The following POLR3C variants were observed in gnomAD, a reference collection of about 807,000 sequenced individuals.
POLR3C encodes RNA polymerase III subunit C, also known as DNA-directed RNA polymerase III subunit RPC3.
A neutral mutation model predicts 65.9 loss-of-function variants in POLR3C; 44 were observed. That is an observed-to-expected ratio of 0.67 (90% CI 0.52 to 0.86). The LOEUF is 0.86. Among genes scored for constraint, POLR3C ranks in the 40% least tolerant of loss-of-function variants. The pLI, the probability that POLR3C is intolerant of heterozygous loss-of-function variation, is 0.00. For missense variants in POLR3C, 576 were observed against 653.2 expected, an observed-to-expected ratio of 0.88 and a Z score of 1.29; for synonymous variants, 263 against 231.6, an observed-to-expected ratio of 1.14 and a Z score of -1.23.
intron 7 of POLR3C, among the ~76,000 whole-genome samples, chr1:145,834,460 C>G (rs1347940000): frequency 6.7e-6 from 1 of 149,378 alleles, no homozygotes; most frequent in Non-Finnish European, 1.5e-5. Flanking sequence ...TGAGCTCAGG[C>G]GTTTGAGACC....
rs1488804540 is a variant in POLR3C, at chr1:145,843,308, A to G, written c.*888A>G. Reference sequence around the variant, plus strand: ...ATGGTTCCTTAAAACTGGCAACGCTAAATTCTCTCTCTCAGTATCACGGAT... The same window carrying G: ...ATGGTTCCTTAAAACTGGCAACGCTGAATTCTCTCTCTCAGTATCACGGAT... On this transcript the variant is annotated 3_prime_UTR_variant, in exon 15 of 15. Coordinates refer to ENST00000334163, the MANE Select transcript of POLR3C (RefSeq NM_006468.8). 6.6e-6 allele frequency among the ~76,000 whole-genome samples: 1 copy of G among 152,206 alleles called. No individual in the cohort carries two copies. The highest frequency in any genetic ancestry group is 2.4e-5 in the African/African-American group (1 of 41,448).
At position 145,826,646 on chromosome 1, in the gene POLR3C, G is replaced by A. The variant is rs782334377; in HGVS notation, c.340G>A (p.Gly114Ser). The A allele has an allele frequency of 7.4e-6, 12 of 1,613,946 alleles. No homozygotes were observed. Among genetic ancestry groups the A allele is most frequent in the African/African-American group, 2.7e-5 (2 of 74,888 alleles). The change falls in exon 3 of 15, where the codon GGC becomes AGC. Residue 114 changes from glycine to serine, a missense_variant. Physicochemically the swap from Gly to Ser is moderately conservative, Grantham distance 56. Transcript: ENST00000334163. Reference protein sequence around the residue: ...ELIVEELLLNGKLTMSAVVKK... With the variant: ...ELIVEELLLNSKLTMSAVVKK... ...GATTGTTGAGGAGCTTCTGTTGAAC[G>A]GCAAACTGACAATGTCAGCTGTTGT...
chr1:145,836,389 G>A (rs1458029532), intron 7 of POLR3C, 105 bp from the exon 8 acceptor site: 7 of 735,268 alleles, frequency 9.5e-6, no homozygotes, highest in East Asian at 2.5e-5. Flanking sequence ...CAAAGTGTTC[G>A]GATTACAGGC....
Position 145,838,061 on chromosome 1 carries a change from G to T in POLR3C, c.1076G>T (p.Gly359Val). The T allele has an allele frequency of 6.2e-7, 1 of 1,613,852 alleles. No homozygotes were observed. The highest frequency in any genetic ancestry group is 2.2e-5 in the East Asian group (1 of 44,886). Residue 359 changes from glycine (G) to valine (V), a missense_variant, in exon 11 of 15, where the codon GGG becomes GTG. Physicochemically the swap from Gly to Val is moderately radical, Grantham distance 109 (BLOSUM62 -3). Coordinates refer to ENST00000334163, the MANE Select transcript of POLR3C (RefSeq NM_006468.8). ...TLESVVQERF[G>V]SRCARIFRLV... ...CTTTCTTCATTCCTTTCCAGATTTG[G>T]GTCTCGCTGTGCTAGAATATTCCGT...
chr1:145,830,003 A>C (rs1651165005), intron 5 of POLR3C, among the ~76,000 whole-genome samples: 1 of 152,188 alleles, frequency 6.6e-6, no homozygotes, highest in African/African-American at 2.4e-5. Context: ...GGCAAAGGAG[A>C]GCCATTGATG....
chr1:145,838,172 A>G lies in POLR3C; in HGVS notation c.1187A>G (p.Tyr396Cys). The G allele has an allele frequency of 6.2e-7, 1 of 1,613,890 alleles. No homozygotes were observed. Among genetic ancestry groups the G allele is most frequent in the Non-Finnish European group, 8.5e-7 (1 of 1,179,722 alleles). ...GCAAAGGAGGCAAAGGATATGCTAT[A>G]TAAGATGCTCTCAGAAAATTTCATG... ...IPAKEAKDMLYKMLSENFMSL... is the reference protein window; with the variant it reads ...IPAKEAKDMLCKMLSENFMSL... The change falls in exon 11 of 15, where the codon TAT (tyrosine) becomes TGT (cysteine). Residue 396 changes from tyrosine to cysteine, a missense_variant. Transcript: ENST00000334163.
intron 5 of POLR3C, among the ~76,000 whole-genome samples, chr1:145,831,172 A>T (rs961227315): frequency 6.6e-6 from 1 of 152,150 alleles, no homozygotes; most frequent in Non-Finnish European, 1.5e-5. Context: ...TTTGGGGAAC[A>T]AATGGAAGTG....
At chr1:145,830,131 C>A (rs781978115) in intron 5 of POLR3C, among the ~76,000 whole-genome samples, 1 of 151,848 alleles carries the variant, frequency 6.6e-6, no homozygotes, top group African/African-American at 2.4e-5. Context: ...GTTATACTTA[C>A]GTGCATTTTT....
At chr1:145,842,262 C>G (rs1325937937) in intron 14 of POLR3C, 77 bp from the exon 15 acceptor site, 3 of 847,938 alleles carry the variant, frequency 3.5e-6, no homozygotes, top group Non-Finnish European at 5.7e-6. Context: ...TATCCATGGC[C>G]ACACCCACCC....
chr1:145,836,703 A>C, intron 8 of POLR3C, 112 bp from the exon 9 acceptor site: 1 of 936,512 alleles, frequency 1.1e-6, no homozygotes, highest in Non-Finnish European at 1.8e-6. Context: ...CAATTTCTCC[A>C]CATCATTTGA....
In POLR3C at chr1:145,837,559, C is replaced by G. The variant is rs370209043; in HGVS notation, c.1033C>G (p.Leu345Val). The stretch of plus-strand genomic sequence containing the variant: ...AGACCTCCATAAGGCATTAGCATCC[C>G]TAGCCACAGCCACTCTGGAGTCCGT... ...VINLHKALAS[L>V]ATATLESVVQ... is the part of the protein sequence containing the mutation. Residue 345 changes from leucine to valine, a missense_variant, in exon 10 of 15, where the codon CTA (leucine) becomes GTA (valine). Transcript: ENST00000334163. 1 of 1,607,216 alleles carries G rather than the reference C, an allele frequency of 6.2e-7. No individual in the cohort carries two copies.
At chr1:145,831,241 G>T (rs1314583294) in intron 5 of POLR3C, among the ~76,000 whole-genome samples, 1 of 152,122 alleles carries the variant, frequency 6.6e-6, no homozygotes, top group Non-Finnish European at 1.5e-5. Context: ...AGGATAGGCC[G>T]GGTGCGGTAA....
rs781950704 is a variant in POLR3C at position 145,842,366 on chromosome 1, C to T, written c.1551C>T (p.Asp517=). ...TGGATGCCAGTGAGATCCAGGTGGA[C>T]GAAACCATCTTCCTGCTGGAGTCTT... ...NKLDASEIQV[D]ETIFLLESYI... is the part of the protein sequence containing the mutation. Residue 517 remains aspartate (D), a synonymous_variant, in exon 15 of 15, where the codon GAC becomes GAT. Coordinates refer to ENST00000334163, the MANE Select transcript of POLR3C (RefSeq NM_006468.8). 1.4e-5 allele frequency: 23 copies of T among 1,610,926 alleles called. No homozygotes were observed. The highest frequency in any genetic ancestry group is 5.3e-5 in the African/African-American group (4 of 74,836).
Position 145,842,441 on chromosome 1 carries a change from C to G in POLR3C, c.*21C>G. 5.4e-6 allele frequency: 8 copies of G among 1,494,286 alleles called. No homozygotes were observed. Among genetic ancestry groups the G allele is most frequent in the Non-Finnish European group, 6.5e-6 (7 of 1,071,712 alleles). 92.6% of individuals were successfully genotyped at this position (1,494,286 alleles called of 1,614,324 possible). A position where few individuals can be genotyped will look rare whatever the true frequency, so the allele number is the denominator to read the frequency against. ...AGTGATCCAGAAGAAGCATCTTCCT[C>G]AGAAGATCTGGGGGGATGGAAAGCA... On this transcript the variant is annotated 3_prime_UTR_variant, in exon 15 of 15. Transcript: ENST00000334163.
In POLR3C at chr1:145,833,483, C is replaced by A; in HGVS notation, c.784-7C>A. On this transcript the variant is annotated splice_polypyrimidine_tract_variant and splice_region_variant and intron_variant, in intron 6 of 14. Transcript: ENST00000334163. Reference sequence around the variant, plus strand: ...GATTTCTGAATTCTAGTTTACTTTTCAAACAGACAAGCAGCGAGATTGTGC... The same window carrying A: ...GATTTCTGAATTCTAGTTTACTTTTAAAACAGACAAGCAGCGAGATTGTGC... The A allele has an allele frequency of 6.2e-7, 1 of 1,610,870 alleles. No homozygotes were observed. Among genetic ancestry groups the A allele is most frequent in the East Asian group, 2.2e-5 (1 of 44,866 alleles).
intron 14 of POLR3C, among the ~76,000 whole-genome samples, chr1:145,841,961 T>C (rs1328246403): frequency 6.6e-6 from 1 of 152,176 alleles, no homozygotes; most frequent in African/African-American, 2.4e-5. Context: ...TAGATGGCTT[T>C]TGTCAGGCTG....
intron 1 of POLR3C, among the ~76,000 whole-genome samples, chr1:145,824,993 A>G (rs1453307528): frequency 6.6e-6 from 1 of 152,198 alleles, no homozygotes; most frequent in Non-Finnish European, 1.5e-5. Context: ...CCATAGAGAT[A>G]AATTTGATGC....
chr1:145,842,793 T>TGACAGATAGATAGATAGATAGATAGATA lies in POLR3C; in HGVS notation c.*375_*376insCAGATAGATAGATAGATAGATAGATAGA, dbSNP rs1652388388. ...CTGTTCTTTATTTTGTTGAGATAGG[T>TGACAGATAGATAGATAGATAGATAGATA]GATAGATAGATAGATAGATAGATAA... On this transcript the variant is annotated 3_prime_UTR_variant, in exon 15 of 15. Transcript: ENST00000334163. Among the ~76,000 whole-genome samples the TGACAGATAGATAGATAGATAGATAGATA allele has an allele frequency of 7.0e-6, 1 of 142,302 alleles. No homozygotes were observed. Among genetic ancestry groups the TGACAGATAGATAGATAGATAGATAGATA allele is most frequent in the African/African-American group, 3.0e-5 (1 of 32,908 alleles). The allele number at this position is 142,302 out of a possible 152,430, so 93.4% of individuals were successfully genotyped here.
At chr1:145,831,748 A>T (rs1489734044) in intron 5 of POLR3C, among the ~76,000 whole-genome samples, 1 of 152,206 alleles carries the variant, frequency 6.6e-6, no homozygotes, top group Non-Finnish European at 1.5e-5. Context: ...AACGCCAAGA[A>T]AAAATGGTGT....
Sources: allele counts gnomAD v4.1 joint callset (sites outside exome capture counted in the v4.1 genomes callset), GRCh38; gene constraint gnomAD v4.1.1; transcripts MANE v1.5; gene names NCBI Gene and HGNC (gene_info 2026-07-23, HGNC 2026-07-21).